The following MED17 variants were observed in gnomAD, a reference collection of about 807,000 sequenced individuals.
MED17 encodes the protein mediator complex subunit 17.
Under a neutral mutation model 80.8 loss-of-function variants are expected in MED17, and 49 were observed. The ratio of observed to expected loss-of-function variants is 0.61; its 90% CI spans 0.48 to 0.77. The LOEUF is 0.77. MED17 is among the 30% of genes least tolerant of loss of function. The pLI, the probability that MED17 is intolerant of heterozygous loss-of-function variation, is 0.00. For synonymous variants in MED17, 281 were observed against 280.4 expected (o/e 1.00, Z -0.02); for missense variants, 718 against 787.0 (o/e 0.91, Z 1.05).
In MED17 at chr11:93,814,540, T is replaced by TTA. The variant is rs1342976608; in HGVS notation, c.*2483_*2484dup. The TTA allele has an allele frequency of 6.6e-6, 1 of 152,180 alleles. No individual in the cohort carries two copies. The highest frequency in any genetic ancestry group is 6.5e-5 in the Admixed American group (1 of 15,274). The allele number at this position is 152,180 out of a possible 1,614,324, so 9.4% of individuals were successfully genotyped here. A position where few individuals can be genotyped will look rare whatever the true frequency, so the allele number is the denominator to read the frequency against. On this transcript the variant is annotated 3_prime_UTR_variant, in exon 12 of 12. Transcript: ENST00000251871. ...AAGGATTCTCTGTGAACTTGTTTCC[T>TTA]TATATATAAATGAAGATAGAGGTGC...
chr11:93,801,609 G>T (rs1252865182), intron 8 of MED17: 6 of 519,034 alleles, frequency 1.2e-5, no homozygotes, highest in Non-Finnish European at 2.1e-5. Flanking sequence ...ATAATCAGGG[G>T]TGTGTGATGA....
chr11:93,797,805 T>C (rs1943920620), intron 8 of MED17, 86 bp downstream of exon 8: 1 of 1,278,682 alleles, frequency 7.8e-7, no homozygotes, highest in Non-Finnish European at 1.1e-6. Flanking sequence ...TTTTTTGGGA[T>C]GCTTTTGACT....
At chr11:93,807,755 G>A (rs1255387010) in intron 10 of MED17, 120 bp downstream of exon 10, 1 of 759,588 alleles carries the variant, frequency 1.3e-6, no homozygotes. Context: ...TTTTTTTCCA[G>A]TAGAAATTAA....
chr11:93,789,787 T>C (rs905813404), intron 2 of MED17: 3 of 118,564 alleles, frequency 2.5e-5, no homozygotes, highest in African/African-American at 9.1e-5. Context: ...AGCAAGACCC[T>C]GTCTCTACCA....
intron 9 of MED17, among the ~76,000 whole-genome samples, chr11:93,804,962 T>C (rs1380395150): frequency 6.6e-6 from 1 of 152,244 alleles, no homozygotes; most frequent in Non-Finnish European, 1.5e-5. Flanking sequence ...CCTTTTTATG[T>C]GGACTATTTT....
rs1944089702 is a variant in MED17, at chr11:93,811,970, C to A, written c.1862C>A (p.Pro621Gln). The A allele has an allele frequency of 1.2e-6, 2 of 1,614,004 alleles. No individual in the cohort carries two copies. The highest frequency in any genetic ancestry group is 4.5e-5 in the East Asian group (2 of 44,856). ...QDNKWSHLRG[P>Q]FKEVQWNKME... ...AACAAATGGAGTCATCTTCGTGGGC[C>A]ATTCAAAGAAGTTCAGTGGAATAAA... Residue 621 changes from proline (P) to glutamine (Q), a missense_variant, in exon 12 of 12, where the codon CCA becomes CAA. By Grantham distance (76) the Pro-to-Gln change is moderately conservative. Transcript: ENST00000251871.
intron 2 of MED17, 121 bp downstream of exon 2, chr11:93,788,288 A>G: frequency 1.3e-6 from 1 of 793,042 alleles, no homozygotes; most frequent in Non-Finnish European, 2.1e-6. Flanking sequence ...ATGAAGATTT[A>G]AAGACTAACT....
chr11:93,787,566 T>C (rs1205822636), intron 1 of MED17, among the ~76,000 whole-genome samples: 1 of 152,236 alleles, frequency 6.6e-6, no homozygotes, highest in Non-Finnish European at 1.5e-5. Flanking sequence ...TGAATGTTCA[T>C]GTATTTAATC....
chr11:93,804,024 TATACACACAC>T (rs1565293313), intron 9 of MED17, among the ~76,000 whole-genome samples: 1,465 of 12,352 alleles, frequency 0.12, 41 homozygotes, highest in African/African-American at 0.15. Context: ...TATATATATA[TATACACACAC>T]ACATATACAC....
intron 3 of MED17, chr11:93,793,364 G>T (rs74969686): frequency 4.3e-6 from 1 of 232,934 alleles, no homozygotes; most frequent in Non-Finnish European, 8.4e-6. Flanking sequence ...TGATCCATCC[G>T]CCTCGTCCTC....
chr11:93,797,281 T>G lies in MED17; in HGVS notation c.1144-254T>G, dbSNP rs79404335. On this transcript the variant is annotated intron_variant, in intron 7 of 11. Coordinates refer to ENST00000251871, the MANE Select transcript of MED17 (RefSeq NM_004268.5). Reference sequence around the variant, plus strand: ...GCATGAGTTGTGACTCCCTCAAACCTTATTAGGATGTCGGCGCATTACCCA... The same window carrying G: ...GCATGAGTTGTGACTCCCTCAAACCGTATTAGGATGTCGGCGCATTACCCA... 2,671 of 462,090 alleles carry G rather than the reference T, an allele frequency of 5.8e-3. 50 individuals are homozygous for G. Among genetic ancestry groups the G allele is most frequent in the African/African-American group, 0.045 (2,288 of 50,914 alleles). 28.6% of individuals were successfully genotyped at this position (462,090 alleles called of 1,614,324 possible). A position where few individuals can be genotyped will look rare whatever the true frequency, so the allele number is the denominator to read the frequency against.
intron 6 of MED17, 35 bp downstream of exon 6, chr11:93,795,095 A>G (rs748476149): frequency 6.2e-7 from 1 of 1,612,408 alleles, no homozygotes; most frequent in Non-Finnish European, 8.5e-7. Context: ...TATGAACAGG[A>G]CTTTGTGTTT....
chr11:93,807,976 C>G (rs374036424), intron 10 of MED17: 7 of 332,242 alleles, frequency 2.1e-5, no homozygotes, highest in African/African-American at 1.5e-4. Context: ...GTGAAGAAAA[C>G]TAGAGAAAGG....
intron 10 of MED17, chr11:93,808,517 A>G (rs920180932): frequency 6.0e-5 from 9 of 151,156 alleles, no homozygotes; most frequent in African/African-American, 1.9e-4. Flanking sequence ...TTAATGACCC[A>G]GTGAAATACT....
chr11:93,784,475 T>C lies in MED17; in HGVS notation c.-39T>C, dbSNP rs775342495. ...TCCTCTTCGTACCTCGTTTTTTGGC[T>C]CGTGGGGGGTCCTCCCACCGCTGGC... On this transcript the variant is annotated 5_prime_UTR_variant, in exon 1 of 12. Transcript: ENST00000251871. 3 of 1,573,328 alleles carry C rather than the reference T, an allele frequency of 1.9e-6. No homozygotes were observed. The highest frequency in any genetic ancestry group is 1.7e-5 in the Admixed American group (1 of 57,238).
chr11:93,807,218 C>A (rs750132856), intron 9 of MED17: 77 of 314,394 alleles, frequency 2.4e-4, no homozygotes, highest in Middle Eastern at 2.3e-3. Flanking sequence ...TTGAGACCAG[C>A]CTGGCCAACA....
chr11:93,794,271 C>T, intron 5 of MED17: 1 of 388,970 alleles, frequency 2.6e-6, no homozygotes, highest in Non-Finnish European at 4.7e-6. Flanking sequence ...ATGGCGCAGT[C>T]TCGGCTCACC....
At position 93,796,543 on chromosome 11, in the gene MED17, A is replaced by G; in HGVS notation, c.1143+3A>G. On this transcript the variant is annotated splice_donor_region_variant and intron_variant, in intron 7 of 11. Transcript: ENST00000251871. ...ATTTGCATCTACTGATTAGAGAGGT[A>G]AGGAAATAAATGTTTTTCTTTGCGC... 1 of 1,614,066 alleles carries G rather than the reference A, an allele frequency of 6.2e-7. No individual in the cohort carries two copies. Among genetic ancestry groups the G allele is most frequent in the Non-Finnish European group, 8.5e-7 (1 of 1,179,950 alleles).
chr11:93,793,625 T>C (rs779570836), intron 3 of MED17, 103 bp from the exon 4 acceptor site: 38 of 880,732 alleles, frequency 4.3e-5, no homozygotes, highest in Middle Eastern at 3.4e-4. Flanking sequence ...GGGACTTACT[T>C]TGTGATTCAG....
Sources: gnomAD v4.1 joint callset for allele counts (sites outside exome capture counted in the v4.1 genomes callset) on GRCh38, gnomAD v4.1.1 for gene constraint, MANE v1.5 for transcripts, NCBI Gene and HGNC (gene_info 2026-07-23, HGNC 2026-07-21) for gene names.